GPC5: variants seen among roughly 807,000 people sequenced by gnomAD.
GPC5 encodes the protein glypican-5.
Under a neutral mutation model 53.9 loss-of-function variants are expected in GPC5, and 47 were observed. That is an observed-to-expected ratio of 0.87 (90% CI 0.69 to 1.11). The LOEUF is 1.11. GPC5 is among the 50% of genes most tolerant of loss of function. The pLI, the probability that GPC5 is intolerant of heterozygous loss-of-function variation, is 0.00. For synonymous variants in GPC5, 286 were observed against 263.3 expected, an observed-to-expected ratio of 1.09 and a Z score of -0.84; for missense variants, 748 against 713.1, an observed-to-expected ratio of 1.05 and a Z score of -0.56.
intron 6 of GPC5, among the ~76,000 whole-genome samples, chr13:91,969,679 A>G (rs2040222396): frequency 6.6e-6 from 1 of 152,226 alleles, no homozygotes; most frequent in Non-Finnish European, 1.5e-5. Context: ...AGCAAAATCA[A>G]ATAATGTGAT....
chr13:92,488,289 T>A (rs1452917397), intron 7 of GPC5, among the ~76,000 whole-genome samples: 2 of 152,206 alleles, frequency 1.3e-5, no homozygotes, highest in African/African-American at 4.8e-5. Flanking sequence ...AATCAAAGCA[T>A]AATATTATCG....
chr13:92,013,647 C>T (rs1035212251), intron 6 of GPC5, among the ~76,000 whole-genome samples: 1 of 152,184 alleles, frequency 6.6e-6, no homozygotes, highest in African/African-American at 2.4e-5. Context: ...TCACCAGGGA[C>T]CTGCCCCTGT....
intron 7 of GPC5, chr13:92,446,478 T>C (rs2139393145): frequency 6.6e-6 from 1 of 151,600 alleles, no homozygotes; most frequent in East Asian, 1.9e-4. Context: ...TTTTTATGGC[T>C]AGATAGTGCT....
chr13:92,460,915 T>C (rs759001785), intron 7 of GPC5, among the ~76,000 whole-genome samples: 1 of 152,178 alleles, frequency 6.6e-6, no homozygotes, highest in Non-Finnish European at 1.5e-5. Context: ...GTAGGAGGTA[T>C]GAGTTGTATT....
chr13:92,511,439 C>G (rs148952410), intron 7 of GPC5, among the ~76,000 whole-genome samples: 2 of 152,212 alleles, frequency 1.3e-5, no homozygotes, highest in African/African-American at 4.8e-5. Context: ...AACGGTCATA[C>G]TTGTAATTAC....
intron 7 of GPC5, among the ~76,000 whole-genome samples, chr13:92,188,908 G>A (rs1409117643): frequency 6.6e-6 from 1 of 152,156 alleles, no homozygotes; most frequent in Admixed American, 6.5e-5. Flanking sequence ...GAGCAGTGAG[G>A]TCACGAGGCA....
intron 2 of GPC5, among the ~76,000 whole-genome samples, chr13:91,579,756 G>A (rs1210285980): frequency 6.7e-6 from 1 of 149,214 alleles, no homozygotes; most frequent in Non-Finnish European, 1.5e-5. Flanking sequence ...AGCCTCCCAA[G>A]TAGCTGGGAT....
chr13:92,626,533 T>G (rs906897790), intron 7 of GPC5, among the ~76,000 whole-genome samples: 3 of 152,192 alleles, frequency 2.0e-5, no homozygotes, highest in Non-Finnish European at 2.9e-5. Flanking sequence ...GTGCACTGGG[T>G]GCTGTCTTAT....
intron 6 of GPC5, among the ~76,000 whole-genome samples, chr13:91,930,279 GT>G (rs1824254854): frequency 6.6e-6 from 1 of 151,840 alleles, no homozygotes; most frequent in Non-Finnish European, 1.5e-5. Context: ...CTATCAGAAT[GT>G]TTAAAAAATT....
intron 5 of GPC5, among the ~76,000 whole-genome samples, chr13:91,865,007 C>T (rs997676256): frequency 6.6e-6 from 1 of 151,388 alleles, no homozygotes; most frequent in Admixed American, 6.6e-5. Flanking sequence ...CAGGTTCAAG[C>T]GATTCTCCTG....
chr13:92,152,693 C>G (rs573877171), intron 7 of GPC5, among the ~76,000 whole-genome samples: 1 of 147,634 alleles, frequency 6.8e-6, no homozygotes, highest in Non-Finnish European at 1.5e-5. Flanking sequence ...GAGCCCAGAT[C>G]GCACCACTGC....
At chr13:92,022,331 G>C (rs932363212) in intron 6 of GPC5, among the ~76,000 whole-genome samples, 1 of 152,022 alleles carries the variant, frequency 6.6e-6, no homozygotes, top group African/African-American at 2.4e-5. Context: ...AGCAGTTGTG[G>C]GGGAGATTCT....
At chr13:92,196,201 CTAAG>C (rs2042255737) in intron 7 of GPC5, among the ~76,000 whole-genome samples, 1 of 151,840 alleles carries the variant, frequency 6.6e-6, no homozygotes, top group South Asian at 2.1e-4. Context: ...CAATGAAGTA[CTAAG>C]TATCTATATA....
chr13:92,076,755 C>A (rs139250689), intron 6 of GPC5, among the ~76,000 whole-genome samples: 17 of 152,234 alleles, frequency 1.1e-4, no homozygotes, highest in African/African-American at 4.1e-4. Context: ...AAGCAAGTTT[C>A]TTTGAAATGG....
At chr13:91,650,811 G>C (rs2034690027) in intron 2 of GPC5, among the ~76,000 whole-genome samples, 2 of 139,598 alleles carry the variant, frequency 1.4e-5, no homozygotes, top group Admixed American at 1.5e-4. Context: ...TCAACTGGGG[G>C]AAAAATCTTT....
intron 7 of GPC5, among the ~76,000 whole-genome samples, chr13:92,722,393 G>A (rs1888530397): frequency 6.6e-6 from 1 of 151,808 alleles, no homozygotes; most frequent in African/African-American, 2.4e-5. Flanking sequence ...TTTCAGTCAT[G>A]AGCCCCTTGG....
chr13:92,235,452 T>C (rs1028211514), intron 7 of GPC5, among the ~76,000 whole-genome samples: 2 of 152,110 alleles, frequency 1.3e-5, no homozygotes, highest in African/African-American at 4.8e-5. Context: ...TAAGGATGTT[T>C]TCCTCAATTT....
rs963220424 is a variant in GPC5 at position 92,765,270 on chromosome 13, G to A, written c.1562-101012G>A. 3.9e-5 allele frequency among the ~76,000 whole-genome samples: 6 copies of A among 152,136 alleles called. 1 individual carries two copies. Among genetic ancestry groups the A allele is most frequent in the Non-Finnish European group, 1.5e-5 (1 of 68,024 alleles). On this transcript the variant is annotated intron_variant, in intron 7 of 7. Transcript: ENST00000377067. ...ATACAGCCTGATGAATTTAAGAACA[G>A]ATTCATGGCTGCTTAATGTGTCCTT...
intron 5 of GPC5, among the ~76,000 whole-genome samples, chr13:91,866,790 T>C (rs762921397): frequency 6.6e-6 from 1 of 152,242 alleles, no homozygotes; most frequent in Non-Finnish European, 1.5e-5. Context: ...CACCCACTTA[T>C]TGCGGTTGCC....
Sources: allele counts gnomAD v4.1 joint callset (sites outside exome capture counted in the v4.1 genomes callset), GRCh38; gene constraint gnomAD v4.1.1; transcripts MANE v1.5; gene names NCBI Gene and HGNC (gene_info 2026-07-23, HGNC 2026-07-21).